OSBPL1A: variants seen among roughly 807,000 people sequenced by gnomAD.
OSBPL1A encodes the protein oxysterol-binding protein-related protein 1.
OSBPL1A carries 80 observed loss-of-function variants against 137.1 expected under a neutral mutation model. That is an observed-to-expected ratio of 0.58 (90% confidence interval 0.49 to 0.70). OSBPL1A has a LOEUF of 0.70. Ranked by LOEUF, OSBPL1A falls within the 30% of genes least tolerant of loss-of-function variation. The pLI, the probability that OSBPL1A is intolerant of heterozygous loss-of-function variation, is 0.00. For missense variants in OSBPL1A, 970 were observed against 1,129.4 expected (o/e 0.86, Z 2.02); for synonymous variants, 365 against 389.7 (o/e 0.94, Z 0.75).
intron 1 of OSBPL1A, among the ~76,000 whole-genome samples, chr18:24,380,890 T>C (rs1483943025): frequency 2.7e-5 from 4 of 148,548 alleles, no homozygotes; most frequent in African/African-American, 1.0e-4. Context: ...AGGCGGAGGT[T>C]GCAGTGAGCT....
intron 18 of OSBPL1A, among the ~76,000 whole-genome samples, chr18:24,194,705 T>C (rs1379134131): frequency 6.6e-6 from 1 of 152,202 alleles, no homozygotes; most frequent in East Asian, 1.9e-4. Flanking sequence ...CCAGGCATTT[T>C]ACATAAATTA....
At chr18:24,371,132 G>A (rs1905599416) in intron 2 of OSBPL1A, among the ~76,000 whole-genome samples, 1 of 152,096 alleles carries the variant, frequency 6.6e-6, no homozygotes. Flanking sequence ...AGCCTGAGAA[G>A]TACAACGAGC....
intron 1 of OSBPL1A, among the ~76,000 whole-genome samples, chr18:24,393,758 A>G (rs117724337): frequency 0.016 from 2,474 of 152,254 alleles, 32 homozygotes; most frequent in Non-Finnish European, 0.028. Context: ...TGGCATTGCT[A>G]TGTATTTTAT....
At chr18:24,269,986 TTA>T (rs1348010564) in intron 15 of OSBPL1A, among the ~76,000 whole-genome samples, 1 of 152,154 alleles carries the variant, frequency 6.6e-6, no homozygotes, top group Non-Finnish European at 1.5e-5. Context: ...TATTTATAAC[TTA>T]TGTCTTAGCT....
intron 2 of OSBPL1A, among the ~76,000 whole-genome samples, chr18:24,373,962 A>G (rs1905880204): frequency 6.6e-6 from 1 of 152,124 alleles, no homozygotes; most frequent in Non-Finnish European, 1.5e-5. Context: ...TCTCAGCTTT[A>G]CATTTCCAAG....
chr18:24,240,130 G>T (rs917681756), intron 15 of OSBPL1A, among the ~76,000 whole-genome samples: 2 of 151,970 alleles, frequency 1.3e-5, no homozygotes, highest in African/African-American at 4.8e-5. Context: ...CACCATGTTG[G>T]CCAGGCTGGT....
intron 2 of OSBPL1A, among the ~76,000 whole-genome samples, chr18:24,374,222 T>C (rs1905905196): frequency 6.6e-6 from 1 of 152,244 alleles, no homozygotes; most frequent in Non-Finnish European, 1.5e-5. Flanking sequence ...CCTCAGTTTC[T>C]AGACAACCCA....
intron 15 of OSBPL1A, among the ~76,000 whole-genome samples, chr18:24,255,540 C>T (rs275852): frequency 0.51 from 76,661 of 151,730 alleles, 19,996 homozygotes; most frequent in East Asian, 0.88. Flanking sequence ...AGAATGAAAC[C>T]ATTTGTCTCT....
intron 4 of OSBPL1A, among the ~76,000 whole-genome samples, chr18:24,361,870 G>A (rs984239218): frequency 2.0e-5 from 3 of 151,936 alleles, no homozygotes; most frequent in Non-Finnish European, 4.4e-5. Context: ...GGTGGCACAT[G>A]CCTGTAATTC....
chr18:24,302,662 T>A (rs1327390651), intron 14 of OSBPL1A: 1 of 152,204 alleles, frequency 6.6e-6, no homozygotes, highest in Admixed American at 6.5e-5. Flanking sequence ...CCTCAGGTGA[T>A]CCACCGCCTC....
At chr18:24,300,222 T>C (rs1159243533) in intron 14 of OSBPL1A, among the ~76,000 whole-genome samples, 1 of 152,190 alleles carries the variant, frequency 6.6e-6, no homozygotes, top group African/African-American at 2.4e-5. Flanking sequence ...AAATAAAAGG[T>C]ATATTTCAAT....
Position 24,271,488 on chromosome 18 carries a change from A to G in OSBPL1A, c.1281+9354T>C. On this transcript the variant is annotated intron_variant, in intron 15 of 27. Transcript: ENST00000319481. The surrounding 1 kb of genome is among the most constrained non-coding windows in gnomAD (Gnocchi z 4.0). The stretch of plus-strand genomic sequence containing the variant: ...CGCGGCTGCACCCCACTCTGCACAC[A>G]CACGTCCAACTATTCTTGGATCTAC... 1 of 920,080 alleles carries G rather than the reference A, an allele frequency of 1.1e-6. No individual in the cohort carries two copies. Among genetic ancestry groups the G allele is most frequent in the Non-Finnish European group, 1.3e-6 (1 of 770,504 alleles). The allele number at this position is 920,080 out of a possible 1,614,324, so 57.0% of individuals were successfully genotyped here. A position where few individuals can be genotyped will look rare whatever the true frequency, so the allele number is the denominator to read the frequency against.
chr18:24,335,025 G>A (rs2091150529), intron 5 of OSBPL1A, among the ~76,000 whole-genome samples: 1 of 152,058 alleles, frequency 6.6e-6, no homozygotes, highest in South Asian at 2.1e-4. Flanking sequence ...AAGTAGCTGG[G>A]ACCACAGGTG....
At chr18:24,278,169 T>C (rs2089885720) in intron 15 of OSBPL1A, among the ~76,000 whole-genome samples, 1 of 152,222 alleles carries the variant, frequency 6.6e-6, no homozygotes, top group East Asian at 1.9e-4. Context: ...GTTTCCCTTA[T>C]TCAAAAGATG....
chr18:24,381,224 G>C (rs559411387), intron 1 of OSBPL1A, among the ~76,000 whole-genome samples: 37 of 152,274 alleles, frequency 2.4e-4, no homozygotes, highest in African/African-American at 8.7e-4. Flanking sequence ...GGGTCAGTGG[G>C]TGGAAAAGTA....
chr18:24,209,520 A>G (rs529683699), intron 17 of OSBPL1A, among the ~76,000 whole-genome samples: 29 of 152,362 alleles, frequency 1.9e-4, no homozygotes, highest in African/African-American at 7.0e-4. Flanking sequence ...CGATGACCCA[A>G]AAGTTCTACT....
chr18:24,320,024 T>A, intron 7 of OSBPL1A, among the ~76,000 whole-genome samples: 1 of 151,102 alleles, frequency 6.6e-6, no homozygotes, highest in East Asian at 1.9e-4. Flanking sequence ...CACGGTGGCA[T>A]GTGCCTACAG....
chr18:24,181,188 A>G lies in OSBPL1A; in HGVS notation c.1769T>C (p.Ile590Thr), dbSNP rs926106913. Residue 590 changes from isoleucine to threonine, a missense_variant, in exon 19 of 28, where the codon ATC becomes ACC. By Grantham distance (89) the Ile-to-Thr change is moderately conservative. Around this residue, in one of 2 missense-constraint regions of OSBPL1A, gnomAD observed 323 missense variants for 456.8 expected, o/e 0.71. Transcript: ENST00000319481. ...ATCAGAGAGTGAACTGGCCTTGTGG[A>G]TGAGGTAAGTATGCTCCATGTATTC... is the stretch of plus-strand genomic sequence containing the variant. ...LTEYMEHTYL[I>T]HKASSLSDPV... 2 of 1,613,960 alleles carry G rather than the reference A, an allele frequency of 1.2e-6. No individual in the cohort carries two copies. The highest frequency in any genetic ancestry group is 2.7e-5 in the African/African-American group (2 of 74,908).
At chr18:24,233,196 G>A (rs2088335686) in intron 16 of OSBPL1A, among the ~76,000 whole-genome samples, 1 of 152,144 alleles carries the variant, frequency 6.6e-6, no homozygotes, top group Non-Finnish European at 1.5e-5. Context: ...AGTAATAAGT[G>A]TTTCAAAAAC....
Sources: gnomAD v4.1 joint callset for allele counts (sites outside exome capture counted in the v4.1 genomes callset) on GRCh38, gnomAD v4.1.1 for gene constraint, gnomAD v4.1.1 regional missense constraint, Gnocchi (gnomAD v3.1) non-coding constraint, MANE v1.5 for transcripts, NCBI Gene and HGNC (gene_info 2026-07-23, HGNC 2026-07-21) for gene names.